The following SND1 variants were observed in gnomAD, a reference collection of about 807,000 sequenced individuals.
The protein encoded by SND1 is staphylococcal nuclease domain-containing protein 1.
In SND1, 38 loss-of-function variants were observed where a neutral mutation model predicts 121.7. That is an observed-to-expected ratio of 0.31 (90% CI 0.24 to 0.41). SND1 has a LOEUF of 0.41. Among genes scored for constraint, SND1 ranks in the 10% least tolerant of loss-of-function variants. The pLI is 1.00. For missense variants in SND1, 868 were observed against 1,184.6 expected (o/e 0.73, Z 3.92); for synonymous variants, 401 against 447.4 (o/e 0.90, Z 1.31).
At chr7:127,735,297 T>C (rs1796755766) in intron 10 of SND1, among the ~76,000 whole-genome samples, 1 of 152,212 alleles carries the variant, frequency 6.6e-6, no homozygotes, top group African/African-American at 2.4e-5. Flanking sequence ...ATTTCCACTA[T>C]CTACCAGAAG....
intron 9 of SND1, 32 bp from the exon 10 acceptor site, chr7:127,721,255 G>T (rs1279629202): frequency 1.4e-6 from 2 of 1,481,262 alleles, no homozygotes; most frequent in Admixed American, 3.4e-5. Flanking sequence ...GGCCATAGAA[G>T]CAGGTTTAAG....
intron 15 of SND1, among the ~76,000 whole-genome samples, chr7:127,947,823 A>T (rs1466463387): frequency 6.6e-6 from 1 of 151,928 alleles, no homozygotes; most frequent in East Asian, 1.9e-4. Flanking sequence ...TTTTGCCCTC[A>T]CTCAGCTCTG....
chr7:127,945,541 T>C (rs1801311913), intron 15 of SND1, among the ~76,000 whole-genome samples: 2 of 151,906 alleles, frequency 1.3e-5, no homozygotes, highest in Admixed American at 1.3e-4. Context: ...ACAGTTTCCA[T>C]AGAGAAAGAG....
At chr7:128,017,835 A>AG (rs1803259175) in intron 16 of SND1, among the ~76,000 whole-genome samples, 1 of 152,242 alleles carries the variant, frequency 6.6e-6, no homozygotes, top group Admixed American at 6.5e-5. Context: ...TCCACATGTT[A>AG]AATGCTTCTA....
chr7:127,872,021 C>T (rs1199027940), intron 12 of SND1, among the ~76,000 whole-genome samples: 1 of 151,986 alleles, frequency 6.6e-6, no homozygotes, highest in Non-Finnish European at 1.5e-5. Context: ...TAGTCTAATT[C>T]ATCAGGAGGC....
rs1164524081 is a variant in SND1, at chr7:127,957,514, G to A, written c.1669+28185G>A. ...TCAGTGTCTAACATTGTGTTTCTTG[G>A]AAGGCTGTTGTTTCTATTCCACTTG... On this transcript the variant is annotated intron_variant, in intron 15 of 23. Coordinates refer to ENST00000354725, the MANE Select transcript of SND1 (RefSeq NM_014390.4). Among the ~76,000 whole-genome samples, 4 of 152,232 alleles carry A rather than the reference G, an allele frequency of 2.6e-5. No individual in the cohort carries two copies. The East Asian group carries it at 7.7e-4, about 29-fold the overall frequency.
intron 1 of SND1, among the ~76,000 whole-genome samples, chr7:127,665,181 C>T (rs1795390708): frequency 6.6e-6 from 1 of 151,652 alleles, no homozygotes; most frequent in South Asian, 2.1e-4. Context: ...ATCGTTTTGA[C>T]AGTCAACATT....
chr7:127,752,634 T>C (rs1587640747), intron 10 of SND1, among the ~76,000 whole-genome samples: 1 of 152,320 alleles, frequency 6.6e-6, no homozygotes, highest in African/African-American at 2.4e-5. Flanking sequence ...ATATTGAGAT[T>C]TGTGGACCAG....
chr7:127,664,573 T>C (rs1234335737), intron 1 of SND1, among the ~76,000 whole-genome samples: 1 of 152,212 alleles, frequency 6.6e-6, no homozygotes, highest in African/African-American at 2.4e-5. Context: ...TTGTATACTT[T>C]TATATAAATC....
intron 8 of SND1, among the ~76,000 whole-genome samples, chr7:127,706,261 C>CA (rs1254752898): frequency 1.4e-5 from 1 of 72,924 alleles, no homozygotes; most frequent in Non-Finnish European, 2.5e-5. Context: ...CTCCCCCCCC[C>CA]CACCTTTTTT....
chr7:128,030,614 C>CA, intron 16 of SND1: 1 of 1,573,806 alleles, frequency 6.4e-7, no homozygotes, highest in Non-Finnish European at 8.6e-7. Flanking sequence ...TGTGGTGGTG[C>CA]ACAGTTACCT....
intron 14 of SND1, 112 bp downstream of exon 14, chr7:127,904,931 C>T (rs1218596431): frequency 2.4e-5 from 17 of 707,936 alleles, no homozygotes; most frequent in Non-Finnish European, 4.3e-5. Context: ...CCTTTTCAGG[C>T]ACTGACTGTG....
Position 128,029,810 on chromosome 7 carries a change from G to C in SND1, c.1779+38754G>C. On this transcript the variant is annotated intron_variant, in intron 16 of 23. Transcript: ENST00000354725. This position sits in a 1 kb window ranked among gnomAD's most constrained non-coding sequence, Gnocchi z 4.2. ...AGAGGTCATGGGGCAAAGAAGAGAG[G>C]TTATTGTGGGCCAAGTTGAGTTCCA... 1 of 1,613,758 alleles carries C rather than the reference G, an allele frequency of 6.2e-7. No homozygotes were observed. The highest frequency in any genetic ancestry group is 8.5e-7 in the Non-Finnish European group (1 of 1,180,040).
At position 128,089,585 on chromosome 7, in the gene SND1, C is replaced by T. The variant is rs1793742641; in HGVS notation, c.2515C>T (p.His839Tyr). Residue 839 changes from histidine (H) to tyrosine (Y), a missense_variant, in exon 22 of 24, where the codon CAT (histidine) becomes TAT (tyrosine). Transcript: ENST00000354725. ...NVEHLSAGCP[H>Y]VTLQFADSKG... ...GGAACACCTGAGTGCCGGCTGCCCC[C>T]ATGTCACCCTGCAGTTTGCAGATTC... 2 of 1,614,120 alleles carry T rather than the reference C, an allele frequency of 1.2e-6. No individual in the cohort carries two copies. Among genetic ancestry groups the T allele is most frequent in the African/African-American group, 1.3e-5 (1 of 74,948 alleles).
intron 11 of SND1, among the ~76,000 whole-genome samples, chr7:127,841,908 T>C (rs1227451188): frequency 6.6e-6 from 1 of 152,180 alleles, no homozygotes; most frequent in Non-Finnish European, 1.5e-5. Flanking sequence ...CTTTCTGTGT[T>C]GTTGTGCTAT....
intron 8 of SND1, among the ~76,000 whole-genome samples, chr7:127,705,376 A>G (rs775326104): frequency 1.3e-5 from 2 of 152,232 alleles, no homozygotes. Context: ...AGGACCATTC[A>G]ATATTGTTGT....
chr7:127,944,093 G>A (rs908899071), intron 15 of SND1, among the ~76,000 whole-genome samples: 1 of 152,240 alleles, frequency 6.6e-6, no homozygotes, highest in Non-Finnish European at 1.5e-5. Context: ...TAAACTGCTT[G>A]AATGCATTTG....
chr7:128,021,993 C>T (rs763934904), intron 16 of SND1, among the ~76,000 whole-genome samples: 3 of 151,938 alleles, frequency 2.0e-5, no homozygotes, highest in South Asian at 2.1e-4. Flanking sequence ...TGCCTGAGGT[C>T]GGGAGTTTCA....
intron 15 of SND1, among the ~76,000 whole-genome samples, chr7:127,941,354 T>G (rs1003935698): frequency 1.3e-5 from 2 of 152,232 alleles, no homozygotes; most frequent in African/African-American, 4.8e-5. Context: ...CTGGATTCCC[T>G]GTAGTTTTTC....
Sources: gnomAD v4.1 joint callset for allele counts (sites outside exome capture counted in the v4.1 genomes callset) on GRCh38, gnomAD v4.1.1 for gene constraint, Gnocchi (gnomAD v3.1) non-coding constraint, MANE v1.5 for transcripts, NCBI Gene and HGNC (gene_info 2026-07-23, HGNC 2026-07-21) for gene names.